TOP3B: variants seen among roughly 807,000 people sequenced by gnomAD.
TOP3B encodes the protein DNA topoisomerase III beta, also known as DNA topoisomerase 3-beta-1.
In TOP3B, 45 loss-of-function variants were observed where a neutral mutation model predicts 93.9. The ratio of observed to expected loss-of-function variants is 0.48; its 90% CI spans 0.38 to 0.61. The LOEUF (loss-of-function observed/expected upper bound fraction) is 0.61, where lower values mean the gene tolerates loss of function less well. Ranked by LOEUF, TOP3B falls within the 20% of genes least tolerant of loss-of-function variation. TOP3B has a pLI of 0.00. For synonymous variants in TOP3B, 357 were observed against 472.6 expected, an observed-to-expected ratio of 0.76 and a Z score of 3.17; for missense variants, 750 against 1,156.1, an observed-to-expected ratio of 0.65 and a Z score of 5.09.
Position 21,957,312 on chromosome 22 carries a change from G to A in TOP3B, c.2391C>T (p.His797=), listed in dbSNP as rs147474045. The A allele has an allele frequency of 4.3e-5, 69 of 1,611,340 alleles. No individual in the cohort carries two copies. Among genetic ancestry groups the A allele is most frequent in the Middle Eastern group, 1.8e-4 (1 of 5,658 alleles). Residue 797 remains histidine, a synonymous_variant, in exon 18 of 18, where the codon CAC becomes CAT. Transcript: ENST00000357179. ...CGGGGTCACAAAAGACGCAGCCCAT[G>A]TGCTGCGTCTCATCGCCCGGGAGTG... ...KSPLPGDETQ[H]MGCVFCDPVF...
At chr22:21,962,667 C>G in intron 12 of TOP3B, 65 bp from the exon 13 acceptor site, 1 of 1,605,768 alleles carries the variant, frequency 6.2e-7, no homozygotes, top group Non-Finnish European at 8.5e-7. Flanking sequence ...AGACCCTGGG[C>G]CTCCCATCCC....
At chr22:21,972,478 G>T (rs974368793) in intron 4 of TOP3B, 134 bp downstream of exon 4, 10 of 646,970 alleles carry the variant, frequency 1.5e-5, no homozygotes, top group Non-Finnish European at 2.3e-5. Flanking sequence ...CCAGCAGGGG[G>T]CACTCACAGA....
chr22:21,981,928 G>C (rs1046606915), intron 1 of TOP3B, among the ~76,000 whole-genome samples: 3 of 152,196 alleles, frequency 2.0e-5, no homozygotes, highest in Non-Finnish European at 4.4e-5. Flanking sequence ...ATCAGGAAAA[G>C]AGGGAAACAA....
rs762743453 is a variant in TOP3B at position 21,971,024 on chromosome 22, C to A, written c.385-618G>T. On this transcript the variant is annotated intron_variant, in intron 5 of 17. Coordinates refer to ENST00000357179, the MANE Select transcript of TOP3B (RefSeq NM_001282112.2). The surrounding 1 kb of genome is among the most constrained non-coding windows in gnomAD (Gnocchi z 4.6). ...GACTAGGGTCGCCGCCGGAGCCTGG[C>A]CACGCAGCTTCCTTACTGGGAATAA... 1 of 1,301,298 alleles carries A rather than the reference C, an allele frequency of 7.7e-7. No individual in the cohort carries two copies. Among genetic ancestry groups the A allele is most frequent in the South Asian group, 1.2e-5 (1 of 80,866 alleles). 80.6% of individuals were successfully genotyped at this position (1,301,298 alleles called of 1,614,324 possible).
Position 21,958,473 on chromosome 22 carries a change from A to G in TOP3B, c.2107+19T>C. ...GAGACTGCAGCTACCTGTGGACAGG[A>G]GGGAGTGGCTGCACTCACCTTTCTT... On this transcript the variant is annotated intron_variant, in intron 17 of 17. Coordinates refer to ENST00000357179, the MANE Select transcript of TOP3B (RefSeq NM_001282112.2). 1 of 1,613,628 alleles carries G rather than the reference A, an allele frequency of 6.2e-7. No individual in the cohort carries two copies. The highest frequency in any genetic ancestry group is 8.5e-7 in the Non-Finnish European group (1 of 1,179,962).
chr22:21,981,358 G>C (rs2084627803), intron 1 of TOP3B, among the ~76,000 whole-genome samples: 1 of 152,116 alleles, frequency 6.6e-6, no homozygotes, highest in Non-Finnish European at 1.5e-5. Context: ...GCCTGATCCT[G>C]TCCTGCCTCT....
At position 21,962,886 on chromosome 22, in the gene TOP3B, G is replaced by A. The variant is rs572311772; in HGVS notation, c.1212C>T (p.Asp404=). ...KSATEAELGG[D]AWRLYEYITR... Reference sequence around the variant, plus strand: ...TGATGTACTCATAGAGCCGCCACGCGTCACCCCCTGCAACAGGCCAGGGCT... The same window carrying A: ...TGATGTACTCATAGAGCCGCCACGCATCACCCCCTGCAACAGGCCAGGGCT... Residue 404 remains aspartate (D), a synonymous_variant, in exon 12 of 18, where the codon GAC becomes GAT. Transcript: ENST00000357179. The A allele has an allele frequency of 8.7e-5, 141 of 1,613,014 alleles. 4 individuals carry two copies. In the South Asian group the frequency reaches 1.4e-3, roughly 16 times the overall value.
intron 9 of TOP3B, 45 bp downstream of exon 9, chr22:21,965,240 C>T: frequency 1.4e-6 from 2 of 1,472,992 alleles, no homozygotes; most frequent in South Asian, 1.3e-5. Flanking sequence ...GCTGAACCTG[C>T]CTCAGGAAGC....
intron 3 of TOP3B, 144 bp downstream of exon 3, chr22:21,974,213 A>G (rs577132907): frequency 1.4e-5 from 15 of 1,073,712 alleles, no homozygotes; most frequent in Admixed American, 3.0e-5. Flanking sequence ...GGACCCTCTC[A>G]TTGCTACTTC....
rs2071054118 is a variant in TOP3B, at chr22:21,959,112, C to T, written c.1905+20G>A. On this transcript the variant is annotated intron_variant, in intron 16 of 17. Transcript: ENST00000357179. ...ACAGGGGTGAGGCAGCTTGCCTGAG[C>T]TAGTGTTCCCTGCACCTACCTGGAT... The T allele has an allele frequency of 6.2e-7, 1 of 1,612,772 alleles. No homozygotes were observed. The highest frequency in any genetic ancestry group is 8.5e-7 in the Non-Finnish European group (1 of 1,179,528).
At chr22:21,972,282 TTCTG>T (rs1041759952) in intron 4 of TOP3B, 3 of 450,082 alleles carry the variant, frequency 6.7e-6, no homozygotes, top group Admixed American at 3.9e-5. Flanking sequence ...TGCATAATTT[TTCTG>T]TCTTTCTACT....
At position 21,957,225 on chromosome 22, in the gene TOP3B, T is replaced by TCCA. The variant is rs2070947533; in HGVS notation, c.2475_2477dup (p.Gly826dup). 1 of 1,489,206 alleles carries TCCA rather than the reference T, an allele frequency of 6.7e-7. No individual in the cohort carries two copies. The highest frequency in any genetic ancestry group is 2.1e-5 in the Admixed American group (1 of 48,636). 92.2% of individuals were successfully genotyped at this position (1,489,206 alleles called of 1,614,324 possible). On this transcript the variant is annotated inframe_insertion, in exon 18 of 18. Transcript: ENST00000357179. ...GCCCTCGACCCTGCCTTCTCCCTGG[T>TCCA]CCACCGCGGTGCATGGGGTGGCAGG...
chr22:21,978,288 GCATGGGCTCACACCTGC>G lies in TOP3B; in HGVS notation c.-98-2498_-98-2482del, dbSNP rs547133600. 1.5e-4 allele frequency among the ~76,000 whole-genome samples: 23 copies of G among 152,144 alleles called. No individual in the cohort carries two copies. In the East Asian group the frequency reaches 1.9e-3, roughly 13 times the overall value. ...CAAGAATGACCTGAGGCAGAGCTGG[GCATGGGCTCACACCTGC>G]CATGGGCTCACACCTATAATCCTAG... is the stretch of plus-strand genomic sequence containing the variant. On this transcript the variant is annotated intron_variant, in intron 1 of 17. Coordinates refer to ENST00000357179, the MANE Select transcript of TOP3B (RefSeq NM_001282112.2).
In TOP3B at chr22:21,972,667, G is replaced by A; in HGVS notation, c.254C>T (p.Ala85Val). Residue 85 changes from alanine (A) to valine (V), a missense_variant, in exon 4 of 18, where the codon GCT becomes GTT. Ala to Val is a moderately conservative substitution (Grantham distance 64, BLOSUM62 0). Around this residue, in one of 4 missense-constraint regions of TOP3B, gnomAD observed 737 missense variants for 933.7 expected, o/e 0.79. Coordinates refer to ENST00000357179, the MANE Select transcript of TOP3B (RefSeq NM_001282112.2). ...KVDPAELFSQ[A>V]PTEKKEANPK... The stretch of plus-strand genomic sequence containing the variant: ...GTTAGCTTCTTTCTTCTCCGTGGGA[G>A]CTTGGCTGAACAGTTCTGCGGGGTC... The A allele has an allele frequency of 1.2e-6, 2 of 1,613,138 alleles. No homozygotes were observed. The highest frequency in any genetic ancestry group is 1.7e-4 in the Middle Eastern group (1 of 6,048).
intron 16 of TOP3B, 55 bp from the exon 17 acceptor site, chr22:21,958,748 C>T (rs2071038355): frequency 3.3e-6 from 5 of 1,521,256 alleles, no homozygotes; most frequent in East Asian, 2.4e-5. Flanking sequence ...CGACTTGGCA[C>T]CCACCCCCAC....
chr22:21,972,192 T>C (rs2071667775), intron 4 of TOP3B: 1 of 529,646 alleles, frequency 1.9e-6, no homozygotes, highest in Non-Finnish European at 3.3e-6. Flanking sequence ...CATGATCTTA[T>C]ACCCCAAAAC....
At chr22:21,974,575 A>G in intron 2 of TOP3B, 87 bp from the exon 3 acceptor site, 1 of 1,414,738 alleles carries the variant, frequency 7.1e-7, no homozygotes, top group Non-Finnish European at 9.5e-7. Flanking sequence ...CACCTCCCAG[A>G]GGGCCAGAGT....
rs764091580 is a variant in TOP3B at position 21,970,208 on chromosome 22, A to G, written c.581+2T>C. 1.2e-6 allele frequency: 2 copies of G among 1,610,070 alleles called. No homozygotes were observed. The highest frequency in any genetic ancestry group is 1.7e-6 in the Non-Finnish European group (2 of 1,179,896). On this transcript the variant is annotated splice_donor_variant, in intron 6 of 17. Transcript: ENST00000357179. LOFTEE classifies it high-confidence loss of function. The surrounding 1 kb of genome is among the most constrained non-coding windows in gnomAD (Gnocchi z 4.4). ...CCAGGACTCTGCGGGTGTGGCCAGCACCTGGTGAATGCACAGCCGATTCGC... is the reference window on the plus strand; with the variant it reads ...CCAGGACTCTGCGGGTGTGGCCAGCGCCTGGTGAATGCACAGCCGATTCGC...
Position 21,958,710 on chromosome 22 carries a change from C to G in TOP3B, c.1906-17G>C. 3 of 1,583,780 alleles carry G rather than the reference C, an allele frequency of 1.9e-6. No individual in the cohort carries two copies. The highest frequency in any genetic ancestry group is 2.6e-6 in the Non-Finnish European group (3 of 1,161,474). On this transcript the variant is annotated splice_polypyrimidine_tract_variant and intron_variant, in intron 16 of 17. Coordinates refer to ENST00000357179, the MANE Select transcript of TOP3B (RefSeq NM_001282112.2). ...TGGCTTGGCCTGCGGCAATGCCAGG[C>G]AGGTGGCGTGAGGGTCACTGGGGCC... is the stretch of plus-strand genomic sequence containing the variant.
Sources: allele counts gnomAD v4.1 joint callset (sites outside exome capture counted in the v4.1 genomes callset), GRCh38; gene constraint gnomAD v4.1.1; regional missense constraint gnomAD v4.1.1; non-coding constraint Gnocchi (gnomAD v3.1); transcripts MANE v1.5; gene names NCBI Gene and HGNC (gene_info 2026-07-23, HGNC 2026-07-21).